The following CALHM5 variants were observed in gnomAD, a reference collection of about 807,000 sequenced individuals.
CALHM5 encodes the protein calcium homeostasis modulator family member 5, also known as calcium homeostasis modulator protein 5.
In CALHM5, 17 loss-of-function variants were observed where a neutral mutation model predicts 20.9. The ratio of observed to expected loss-of-function variants is 0.82; its 90% CI spans 0.56 to 1.22. The LOEUF is 1.22. Ranked by LOEUF, CALHM5 falls within the 50% of genes most tolerant of loss-of-function variation. CALHM5 has a pLI of 0.00. For missense variants in CALHM5, 360 were observed against 364.6 expected (o/e 0.99, Z 0.10); for synonymous variants, 148 against 140.0 (o/e 1.06, Z -0.40).
In CALHM5 at chr6:116,515,845, G is replaced by A. The variant is rs754156141; in HGVS notation, c.786G>A (p.Trp262Ter). 1 of 1,613,926 alleles carries A rather than the reference G, an allele frequency of 6.2e-7. No individual in the cohort carries two copies. Among genetic ancestry groups the A allele is most frequent in the African/African-American group, 1.3e-5 (1 of 74,994 alleles). ...TTCCCATGCCTACGTTTGCTGCCTGGGAGGCTGCTTCAGAGCTGCATTCTT... is the reference window on the plus strand; with the variant it reads ...TTCCCATGCCTACGTTTGCTGCCTGAGAGGCTGCTTCAGAGCTGCATTCTT... ...DPFPMPTFAA[W>*]EAASELHSFH... Residue 262 changes from tryptophan (W) to a stop codon, truncating the protein, a stop_gained, in exon 2 of 2, where the codon TGG becomes TGA. Coordinates refer to ENST00000368599, the MANE Select transcript of CALHM5 (RefSeq NM_153711.5). LOFTEE classifies it high-confidence loss of function.
At position 116,524,333 on chromosome 6, in the gene CALHM5, G is replaced by T. The variant is rs2115176611; in HGVS notation, c.*8344G>T. 1 of 152,204 alleles carries T rather than the reference G, an allele frequency of 6.6e-6. No homozygotes were observed. Among genetic ancestry groups the T allele is most frequent in the East Asian group, 1.9e-4 (1 of 5,188 alleles). The allele number at this position is 152,204 out of a possible 1,614,324, so 9.4% of individuals were successfully genotyped here. A position where few individuals can be genotyped will look rare whatever the true frequency, so the allele number is the denominator to read the frequency against. ...GGTACACAACAAAATAAATGACATG[G>T]TCACCTCAGTTATTTTGCTGAAGTT... On this transcript the variant is annotated 3_prime_UTR_variant, in exon 2 of 2. Coordinates refer to ENST00000368599, the MANE Select transcript of CALHM5 (RefSeq NM_153711.5).
rs35398770 is a variant in CALHM5, at chr6:116,515,952, C to T, written c.893C>T (p.Thr298Met). The T allele has an allele frequency of 7.4e-4, 1,194 of 1,610,060 alleles. 5 individuals are homozygous for T. The African/African-American group carries it at 0.013, about 18-fold the overall frequency. The change falls in exon 2 of 2, where the codon ACG becomes ATG. Residue 298 changes from threonine (T) to methionine (M), a missense_variant. Transcript: ENST00000368599. ...GLQLSPEDDE[T>M]TMVLVGTAHN... is the part of the protein sequence containing the mutation. ...CAACTTAGCCCTGAGGATGATGAGA[C>T]GACAATGGTCCTTGTGGGTACTGCC...
chr6:116,514,435 T>C (rs930529121), intron 1 of CALHM5, among the ~76,000 whole-genome samples: 7 of 152,222 alleles, frequency 4.6e-5, no homozygotes, highest in Non-Finnish European at 7.3e-5. Flanking sequence ...ATGAGTTCAG[T>C]AACACATTTA....
At chr6:116,514,522 A>G (rs1583270520) in intron 1 of CALHM5, among the ~76,000 whole-genome samples, 1 of 152,356 alleles carries the variant, frequency 6.6e-6, no homozygotes, top group East Asian at 1.9e-4. Flanking sequence ...GTCCAGTATC[A>G]TTTCATTAGG....
Position 116,516,817 on chromosome 6 carries a change from T to TAA in CALHM5, c.*832_*833dup, listed in dbSNP as rs1772238393. 6.6e-6 allele frequency: 1 copy of TAA among 151,790 alleles called. No individual in the cohort carries two copies. The highest frequency in any genetic ancestry group is 6.6e-5 in the Admixed American group (1 of 15,234). The allele number at this position is 151,790 out of a possible 1,614,324, so 9.4% of individuals were successfully genotyped here. A position where few individuals can be genotyped will look rare whatever the true frequency, so the allele number is the denominator to read the frequency against. On this transcript the variant is annotated 3_prime_UTR_variant, in exon 2 of 2. Coordinates refer to ENST00000368599, the MANE Select transcript of CALHM5 (RefSeq NM_153711.5). ...ATTTTCTTCTGATTTTAAAAGAAAT[T>TAA]AAAAACATTTTAGTGGGCCCTTACA...
rs1224360215 is a variant in CALHM5 at position 116,518,194 on chromosome 6, G to A, written c.*2205G>A. Reference sequence around the variant, plus strand: ...CAGATAGAAGATGTGAGTAACTTTGGAACCTACTGCTTGTGACTGGTGTCT... The same window carrying A: ...CAGATAGAAGATGTGAGTAACTTTGAAACCTACTGCTTGTGACTGGTGTCT... On this transcript the variant is annotated 3_prime_UTR_variant, in exon 2 of 2. Transcript: ENST00000368599. 6.6e-6 allele frequency: 1 copy of A among 152,150 alleles called. No individual in the cohort carries two copies. Among genetic ancestry groups the A allele is most frequent in the Non-Finnish European group, 1.5e-5 (1 of 68,044 alleles). The allele number at this position is 152,150 out of a possible 1,614,324, so 9.4% of individuals were successfully genotyped here.
chr6:116,512,621 G>A (rs140460907), intron 1 of CALHM5, among the ~76,000 whole-genome samples: 1 of 152,270 alleles, frequency 6.6e-6, no homozygotes, highest in East Asian at 1.9e-4. Context: ...CATTCAAGTT[G>A]TTTTCTCAAA....
chr6:116,513,318 C>A (rs1369026604), intron 1 of CALHM5, among the ~76,000 whole-genome samples: 5 of 152,174 alleles, frequency 3.3e-5, no homozygotes, highest in African/African-American at 1.2e-4. Flanking sequence ...AAAACAAAAT[C>A]TTTTCTTTAA....
At chr6:116,513,695 G>A (rs1157779877) in intron 1 of CALHM5, among the ~76,000 whole-genome samples, 1 of 152,186 alleles carries the variant, frequency 6.6e-6, no homozygotes, top group African/African-American at 2.4e-5. Flanking sequence ...GTTCAGATAG[G>A]CAGGAGGCAG....
rs1583269274 is a variant in CALHM5, at chr6:116,511,956, T to C, written c.260T>C (p.Ile87Thr). 1 of 1,613,842 alleles carries C rather than the reference T, an allele frequency of 6.2e-7. No individual in the cohort carries two copies. Among genetic ancestry groups the C allele is most frequent in the African/African-American group, 1.3e-5 (1 of 74,892 alleles). The change falls in exon 1 of 2, where the codon ATC (isoleucine) becomes ACC (threonine). Residue 87 changes from isoleucine (I) to threonine (T), a missense_variant. Ile to Thr is a moderately conservative substitution (Grantham distance 89). Coordinates refer to ENST00000368599, the MANE Select transcript of CALHM5 (RefSeq NM_153711.5). ...GGCTGCTGTGTGAATCCCAGGAAAA[T>C]CTTTCCCAGAGGCCACAGCTGCCGT... ...FTGCCVNPRK[I>T]FPRGHSCRFF...
rs1260361724 is a variant in CALHM5 at position 116,512,105 on chromosome 6, C to T, written c.409C>T (p.Leu137Phe). 6.2e-7 allele frequency: 1 copy of T among 1,613,912 alleles called. No individual in the cohort carries two copies. Among genetic ancestry groups the T allele is most frequent in the African/African-American group, 1.3e-5 (1 of 74,922 alleles). ...CATGAGCGGGACGAGAAGTTCAGGA[C>T]TCCTGGAACTGATTTGCAAGGGTAA... ...CAMSGTRSSG[L>F]LELICKGKPK... Residue 137 changes from leucine to phenylalanine, a missense_variant, in exon 1 of 2, where the codon CTC (leucine) becomes TTC (phenylalanine). By Grantham distance (22) the Leu-to-Phe change is conservative. Transcript: ENST00000368599.
rs1166477323 is a variant in CALHM5, at chr6:116,521,233, T to C, written c.*5244T>C. 1 of 152,032 alleles carries C rather than the reference T, an allele frequency of 6.6e-6. No individual in the cohort carries two copies. Among genetic ancestry groups the C allele is most frequent in the Non-Finnish European group, 1.5e-5 (1 of 68,012 alleles). 9.4% of individuals were successfully genotyped at this position (152,032 alleles called of 1,614,324 possible). A position where few individuals can be genotyped will look rare whatever the true frequency, so the allele number is the denominator to read the frequency against. On this transcript the variant is annotated 3_prime_UTR_variant, in exon 2 of 2. Coordinates refer to ENST00000368599, the MANE Select transcript of CALHM5 (RefSeq NM_153711.5). ...TATATATATTGTGTGTGTATATATA[T>C]ATGAAAGAGGATTTATTGTGGAAAT...
In CALHM5 at chr6:116,524,052, A is replaced by T. The variant is rs1314887244; in HGVS notation, c.*8063A>T. The stretch of plus-strand genomic sequence containing the variant: ...TTTTTAGAGAATTATTAATTTTGCT[A>T]TGTGTGGTAATGGTGTGCCGATTTA... On this transcript the variant is annotated 3_prime_UTR_variant, in exon 2 of 2. Transcript: ENST00000368599. 6.6e-6 allele frequency: 1 copy of T among 152,204 alleles called. No individual in the cohort carries two copies. 9.4% of individuals were successfully genotyped at this position (152,204 alleles called of 1,614,324 possible).
Position 116,511,889 on chromosome 6 carries a change from C to A in CALHM5, c.193C>A (p.Leu65Met), listed in dbSNP as rs755625189. 3 of 1,613,900 alleles carry A rather than the reference C, an allele frequency of 1.9e-6. No homozygotes were observed. The African/African-American group carries it at 4.0e-5, about 22-fold the overall frequency. Reference sequence around the variant, plus strand: ...TGCTCCTGCCTGGGTGTTACTGATCCTGGGATTCTTTCTGAACAATAGGTC... The same window carrying A: ...TGCTCCTGCCTGGGTGTTACTGATCATGGGATTCTTTCTGAACAATAGGTC... ...LFAPAWVLLILGFFLNNRSWR... is the reference protein window; with the variant it reads ...LFAPAWVLLIMGFFLNNRSWR... The change falls in exon 1 of 2, where the codon CTG becomes ATG. Residue 65 changes from leucine to methionine, a missense_variant. Coordinates refer to ENST00000368599, the MANE Select transcript of CALHM5 (RefSeq NM_153711.5).
In CALHM5 at chr6:116,515,650, C is replaced by T. The variant is rs777534627; in HGVS notation, c.591C>T (p.Thr197=). ...ICSASFFSLL[T]TCYARCRSKV... is the part of the protein sequence containing the mutation. The stretch of plus-strand genomic sequence containing the variant: ...CAGCGTCTTTCTTCTCTCTGCTCAC[C>T]ACATGTTATGCTCGCTGCCGATCTA... Residue 197 remains threonine, a synonymous_variant, in exon 2 of 2, where the codon ACC becomes ACT. Coordinates refer to ENST00000368599, the MANE Select transcript of CALHM5 (RefSeq NM_153711.5). 8.7e-6 allele frequency: 14 copies of T among 1,613,798 alleles called. No individual in the cohort carries two copies. The Admixed American group carries it at 2.3e-4, about 27-fold the overall frequency.
In CALHM5 at chr6:116,512,289, C is replaced by T; in HGVS notation, c.540+53C>T. The T allele has an allele frequency of 3.3e-6, 5 of 1,521,904 alleles. No individual in the cohort carries two copies. In the South Asian group the frequency reaches 3.7e-5, roughly 11 times the overall value. 94.3% of individuals were successfully genotyped at this position (1,521,904 alleles called of 1,614,324 possible). On this transcript the variant is annotated intron_variant, in intron 1 of 1. Transcript: ENST00000368599. ...TCTCAGCATGAGCTCGAAGTATTCTCTCTGTGCTCCTTTCAGCCAGGGCTG... is the reference window on the plus strand; with the variant it reads ...TCTCAGCATGAGCTCGAAGTATTCTTTCTGTGCTCCTTTCAGCCAGGGCTG...
chr6:116,515,680 TAGCTACCTTC>T lies in CALHM5; in HGVS notation c.626_635del (p.Tyr209Ter). 1 of 1,614,004 alleles carries T rather than the reference TAGCTACCTTC, an allele frequency of 6.2e-7. No homozygotes were observed. Among genetic ancestry groups the T allele is most frequent in the Non-Finnish European group, 8.5e-7 (1 of 1,179,912 alleles). On this transcript the variant is annotated frameshift_variant, in exon 2 of 2. Coordinates refer to ENST00000368599, the MANE Select transcript of CALHM5 (RefSeq NM_153711.5). LOFTEE classifies it high-confidence loss of function. ...GTTATGCTCGCTGCCGATCTAAAGT[TAGCTACCTTC>T]AGCTGAGTTTTTGGAAGACATATGC...
At position 116,511,999 on chromosome 6, in the gene CALHM5, C is replaced by G. The variant is rs757117931; in HGVS notation, c.303C>G (p.Gly101=). 1 of 1,613,904 alleles carries G rather than the reference C, an allele frequency of 6.2e-7. No homozygotes were observed. Among genetic ancestry groups the G allele is most frequent in the Admixed American group, 1.7e-5 (1 of 59,942 alleles). ...GCTGCCGTTTCTTCTACGTCCTCGG[C>G]CAGATCACTCTGAGCTCATTGGTGG... ...GHSCRFFYVL[G]QITLSSLVAP... Residue 101 remains glycine (G), a synonymous_variant, in exon 1 of 2, where the codon GGC becomes GGG. Transcript: ENST00000368599.
chr6:116,516,650 AG>A lies in CALHM5; in HGVS notation c.*662del, dbSNP rs1772230210. 1 of 139,414 alleles carries A rather than the reference AG, an allele frequency of 7.2e-6. No individual in the cohort carries two copies. Among genetic ancestry groups the A allele is most frequent in the East Asian group, 2.1e-4 (1 of 4,834 alleles). 8.6% of individuals were successfully genotyped at this position (139,414 alleles called of 1,614,324 possible). A position where few individuals can be genotyped will look rare whatever the true frequency, so the allele number is the denominator to read the frequency against. On this transcript the variant is annotated 3_prime_UTR_variant, in exon 2 of 2. Transcript: ENST00000368599. ...GCGAACCATTTCCTACATTCAAAAT[AG>A]TAGTAACAAATATATATATATATAT... is the stretch of plus-strand genomic sequence containing the variant.
Sources: allele counts gnomAD v4.1 joint callset (sites outside exome capture counted in the v4.1 genomes callset), GRCh38; gene constraint gnomAD v4.1.1; transcripts MANE v1.5; gene names NCBI Gene and HGNC (gene_info 2026-07-23, HGNC 2026-07-21).